The following FSD2 variants were observed in gnomAD, a reference collection of about 807,000 sequenced individuals.
The protein encoded by FSD2 is fibronectin type III and SPRY domain containing 2, also known as fibronectin type III and SPRY domain-containing protein 2.
Under a neutral mutation model 80.4 loss-of-function variants are expected in FSD2, and 71 were observed. The ratio of observed to expected loss-of-function variants is 0.88; its 90% CI spans 0.73 to 1.08. The LOEUF is 1.08. Among genes scored for constraint, FSD2 ranks in the 50% least tolerant of loss-of-function variants. FSD2 has a pLI of 0.00. For missense variants in FSD2, 923 were observed against 913.8 expected (o/e 1.01, Z -0.13); for synonymous variants, 361 against 329.5 (o/e 1.10, Z -1.03).
intron 6 of FSD2, among the ~76,000 whole-genome samples, 194 bp from the exon 7 acceptor site, chr15:82,772,422 T>C (rs937445486): frequency 8.5e-5 from 13 of 152,330 alleles, no homozygotes; most frequent in African/African-American, 3.1e-4. Flanking sequence ...AGTATATCTA[T>C]TCTTGCTTTG....
intron 9 of FSD2, 62 bp from the exon 10 acceptor site, chr15:82,766,093 G>C (rs1156421795): frequency 1.2e-5 from 18 of 1,485,184 alleles, no homozygotes; most frequent in Non-Finnish European, 1.6e-5. Flanking sequence ...CAAGCACCAG[G>C]CATCCCTTTC....
chr15:82,761,960 G>T, intron 12 of FSD2, 142 bp downstream of exon 12: 1 of 737,856 alleles, frequency 1.4e-6, no homozygotes. Context: ...TGGACTTTAG[G>T]GAAAGTGGCT....
At chr15:82,790,001 C>G (rs2050100617) in intron 1 of FSD2, among the ~76,000 whole-genome samples, 2 of 152,096 alleles carry the variant, frequency 1.3e-5, no homozygotes, top group South Asian at 4.1e-4. Context: ...GCGGTGAAAC[C>G]CTGTCTCTAC....
intron 1 of FSD2, among the ~76,000 whole-genome samples, chr15:82,793,637 G>A (rs965566845): frequency 6.6e-6 from 1 of 151,932 alleles, no homozygotes; most frequent in African/African-American, 2.4e-5. Flanking sequence ...AATTCACTTT[G>A]GAAAAAGCTA....
chr15:82,783,901 G>T (rs981154990), intron 3 of FSD2, among the ~76,000 whole-genome samples: 5 of 152,086 alleles, frequency 3.3e-5, no homozygotes, highest in Non-Finnish European at 7.4e-5. Flanking sequence ...GCAGAGGGAG[G>T]GTTCTGACAA....
intron 7 of FSD2, among the ~76,000 whole-genome samples, chr15:82,770,674 AAAT>A (rs1266781757): frequency 1.3e-5 from 2 of 152,062 alleles, no homozygotes; most frequent in Non-Finnish European, 2.9e-5. Flanking sequence ...CCATCTCAAA[AAAT>A]AATAATAATA....
intron 6 of FSD2, among the ~76,000 whole-genome samples, chr15:82,774,912 G>C (rs1012286676): frequency 1.3e-5 from 2 of 151,212 alleles, no homozygotes; most frequent in African/African-American, 4.9e-5. Context: ...AGTAGAGACG[G>C]GGTTTCACCA....
At chr15:82,783,604 A>C (rs1322116400) in intron 3 of FSD2, among the ~76,000 whole-genome samples, 1 of 152,190 alleles carries the variant, frequency 6.6e-6, no homozygotes, top group African/African-American at 2.4e-5. Flanking sequence ...TTCCAGTTTC[A>C]ACTACCTTCT....
At position 82,787,455 on chromosome 15, in the gene FSD2, T is replaced by A; in HGVS notation, c.-65A>T. The A allele has an allele frequency of 2.7e-6, 4 of 1,459,446 alleles. No homozygotes were observed. Among genetic ancestry groups the A allele is most frequent in the Non-Finnish European group, 3.7e-6 (4 of 1,085,526 alleles). 90.4% of individuals were successfully genotyped at this position (1,459,446 alleles called of 1,614,324 possible). On this transcript the variant is annotated 5_prime_UTR_variant, in exon 2 of 13. Transcript: ENST00000334574. ...AAGATCCTTCCTGGACACTTAATAG[T>A]GAATATCTGGGCCCTGGAACACAAA...
Position 82,757,175 on chromosome 15 carries a change from C to A in FSD2, c.*2173G>T, listed in dbSNP as rs1412931577. 1 of 152,062 alleles carries A rather than the reference C, an allele frequency of 6.6e-6. No individual in the cohort carries two copies. The highest frequency in any genetic ancestry group is 1.5e-5 in the Non-Finnish European group (1 of 68,000). 9.4% of individuals were successfully genotyped at this position (152,062 alleles called of 1,614,324 possible). A position where few individuals can be genotyped will look rare whatever the true frequency, so the allele number is the denominator to read the frequency against. ...GTCAGGCAATTCTAGACAGTTTTTT[C>A]TTGGTCAAATAAAAATTTAATTAAA... On this transcript the variant is annotated 3_prime_UTR_variant, in exon 13 of 13. Coordinates refer to ENST00000334574, the MANE Select transcript of FSD2 (RefSeq NM_001007122.4).
Position 82,760,713 on chromosome 15 carries a change from A to ACGTGTGTGCG in FSD2, c.1998-1114_1998-1113insCGCACACACG, listed in dbSNP as rs1478963031. ...ACCTTACCTTCATTCTCCACTTGTA[A>ACGTGTGTGCG]CGTGTGTGCACGTGTGTGCGTGCAC... On this transcript the variant is annotated intron_variant, in intron 12 of 12. Transcript: ENST00000334574. Among the ~76,000 whole-genome samples, 345 of 129,604 alleles carry ACGTGTGTGCG rather than the reference A, an allele frequency of 2.7e-3. 1 individual carries two copies. Among genetic ancestry groups the ACGTGTGTGCG allele is most frequent in the South Asian group, 4.6e-3 (19 of 4,152 alleles). 85.0% of individuals were successfully genotyped at this position (129,604 alleles called of 152,430 possible).
At chr15:82,769,927 C>G in intron 7 of FSD2, 43 bp from the exon 8 acceptor site, 1 of 1,607,968 alleles carries the variant, frequency 6.2e-7, no homozygotes, top group Non-Finnish European at 8.5e-7. Context: ...AAAAACTGGC[C>G]AAGTGGCTCC....
intron 1 of FSD2, among the ~76,000 whole-genome samples, chr15:82,802,769 C>T (rs1054830549): frequency 6.6e-6 from 1 of 152,164 alleles, no homozygotes; most frequent in African/African-American, 2.4e-5. Flanking sequence ...GCCTCTGCTC[C>T]TGGGGCGTTA....
At chr15:82,805,812 A>G (rs2050513125) in intron 1 of FSD2, among the ~76,000 whole-genome samples, 154 bp downstream of exon 1, 1 of 152,256 alleles carries the variant, frequency 6.6e-6, no homozygotes, top group Admixed American at 6.5e-5. Context: ...AAGAAGGCAC[A>G]GAAAACATTT....
At chr15:82,793,052 G>A (rs1460230613) in intron 1 of FSD2, among the ~76,000 whole-genome samples, 2 of 152,286 alleles carry the variant, frequency 1.3e-5, no homozygotes, top group East Asian at 3.9e-4. Context: ...CACCAGTGAA[G>A]CCACCTGGTC....
At chr15:82,760,751 A>ACACG (rs2049277463) in intron 12 of FSD2, among the ~76,000 whole-genome samples, 1 of 151,894 alleles carries the variant, frequency 6.6e-6, no homozygotes, top group Non-Finnish European at 1.5e-5. Context: ...ACACACACAC[A>ACACG]CACACACACC....
chr15:82,787,006 C>A lies in FSD2; in HGVS notation c.385G>T (p.Ala129Ser). Reference protein sequence around the residue: ...DWRLSGEAAEAEDLGFGGWGS... With the variant: ...DWRLSGEAAESEDLGFGGWGS... Reference sequence around the variant, plus strand: ...CACCCTCCGAAGCCCAGGTCCTCGGCCTCCGCTGCCTCTCCACTAAGTCTC... The same window carrying A: ...CACCCTCCGAAGCCCAGGTCCTCGGACTCCGCTGCCTCTCCACTAAGTCTC... The change falls in exon 2 of 13, where the codon GCC becomes TCC. Residue 129 changes from alanine (A) to serine (S), a missense_variant. Physicochemically the swap from Ala to Ser is moderately conservative, Grantham distance 99. Coordinates refer to ENST00000334574, the MANE Select transcript of FSD2 (RefSeq NM_001007122.4). The A allele has an allele frequency of 1.2e-6, 2 of 1,614,016 alleles. No homozygotes were observed. The highest frequency in any genetic ancestry group is 1.7e-6 in the Non-Finnish European group (2 of 1,179,890).
At position 82,759,008 on chromosome 15, in the gene FSD2, C is replaced by T; in HGVS notation, c.*340G>A. On this transcript the variant is annotated 3_prime_UTR_variant, in exon 13 of 13. Coordinates refer to ENST00000334574, the MANE Select transcript of FSD2 (RefSeq NM_001007122.4). ...GTGCTGCTGGAGCCATTAAGACTAC[C>T]CTCGTCCTCTCCCAAGCTCTCTAGG... The T allele has an allele frequency of 4.5e-6, 1 of 222,208 alleles. No individual in the cohort carries two copies. The highest frequency in any genetic ancestry group is 9.0e-6 in the Non-Finnish European group (1 of 111,006). The allele number at this position is 222,208 out of a possible 1,614,324, so 13.8% of individuals were successfully genotyped here. A position where few individuals can be genotyped will look rare whatever the true frequency, so the allele number is the denominator to read the frequency against.
At chr15:82,791,921 C>CT (rs2050161530) in intron 1 of FSD2, among the ~76,000 whole-genome samples, 1 of 152,200 alleles carries the variant, frequency 6.6e-6, no homozygotes, top group Admixed American at 6.5e-5. Context: ...ATTTCATTCC[C>CT]TTTTTAGGAC....
Sources: gnomAD v4.1 joint callset for allele counts (sites outside exome capture counted in the v4.1 genomes callset) on GRCh38, gnomAD v4.1.1 for gene constraint, MANE v1.5 for transcripts, NCBI Gene and HGNC (gene_info 2026-07-23, HGNC 2026-07-21) for gene names.